SUZ12: variants seen among roughly 807,000 people sequenced by gnomAD.
The protein encoded by SUZ12 is SUZ12 polycomb repressive complex 2 subunit, also known as polycomb protein SUZ12.
Under a neutral mutation model 87.3 loss-of-function variants are expected in SUZ12, and 17 were observed. That is an observed-to-expected ratio of 0.19 (90% confidence interval 0.13 to 0.29). The LOEUF (loss-of-function observed/expected upper bound fraction) is 0.29, where lower values mean the gene tolerates loss of function less well. Ranked by LOEUF, SUZ12 falls within the 10% of genes least tolerant of loss-of-function variation. The pLI is 1.00. For synonymous variants in SUZ12, 253 were observed against 312.4 expected, an observed-to-expected ratio of 0.81 and a Z score of 2.01; for missense variants, 526 against 912.2, an observed-to-expected ratio of 0.58 and a Z score of 5.45.
Position 31,978,749 on chromosome 17 carries a change from A to G in SUZ12, c.917+2135A>G, listed in dbSNP as rs182472093. ...ACACATTTCTTGTAAGAAAAAGATA[A>G]TGCTTTTATTTTAAAGAAAAAGTGC... On this transcript the variant is annotated intron_variant, in intron 8 of 15. Transcript: ENST00000322652. 2.2e-3 allele frequency among the ~76,000 whole-genome samples: 332 copies of G among 152,292 alleles called. 1 individual carries two copies. The highest frequency in any genetic ancestry group is 7.3e-3 in the African/African-American group (302 of 41,552).
intron 3 of SUZ12, among the ~76,000 whole-genome samples, chr17:31,945,302 G>A (rs115592685): frequency 0.019 from 2,880 of 152,182 alleles, 98 homozygotes; most frequent in African/African-American, 0.067. Context: ...GTTGGAATAA[G>A]CATATCACTC....
intron 8 of SUZ12, among the ~76,000 whole-genome samples, chr17:31,979,349 C>G (rs1427220682): frequency 6.6e-6 from 1 of 152,104 alleles, no homozygotes; most frequent in Non-Finnish European, 1.5e-5. Context: ...ATATAACCAC[C>G]GTACCCTTAT....
At chr17:31,987,669 G>A (rs765983735) in intron 9 of SUZ12, among the ~76,000 whole-genome samples, 43 of 152,152 alleles carry the variant, frequency 2.8e-4, no homozygotes, top group Non-Finnish European at 4.7e-4. Flanking sequence ...GGTGGCTCAT[G>A]CCTGTAACCC....
intron 4 of SUZ12, among the ~76,000 whole-genome samples, chr17:31,954,501 A>G (rs1181936441): frequency 2.6e-5 from 4 of 152,278 alleles, no homozygotes; most frequent in Non-Finnish European, 5.9e-5. Context: ...GTAGTGTGCA[A>G]TGTCCTAGGC....
In SUZ12 at chr17:31,993,305, A is replaced by T; in HGVS notation, c.1265A>T (p.Asn422Ile). 1 of 1,583,724 alleles carries T rather than the reference A, an allele frequency of 6.3e-7. No individual in the cohort carries two copies. The highest frequency in any genetic ancestry group is 1.2e-5 in the South Asian group (1 of 85,170). Residue 422 changes from asparagine (N) to isoleucine (I), a missense_variant, in exon 11 of 16, where the codon AAC becomes ATC. Asn to Ile is a moderately radical substitution (Grantham distance 149, BLOSUM62 -3). Coordinates refer to ENST00000322652, the MANE Select transcript of SUZ12 (RefSeq NM_015355.4). ...AAAGAAAAGGATACTCCAAATGAAA[A>T]CCGACAAAAATTAAGAATATTTTAT... ...TRKEKDTPNE[N>I]RQKLRIFYQF...
chr17:31,949,399 A>G (rs974838561), intron 4 of SUZ12, among the ~76,000 whole-genome samples: 1 of 152,178 alleles, frequency 6.6e-6, no homozygotes, highest in African/African-American at 2.4e-5. Flanking sequence ...TGAGTTGGCC[A>G]TTTAAGCCTC....
intron 9 of SUZ12, among the ~76,000 whole-genome samples, chr17:31,985,502 A>C (rs577964829): frequency 3.4e-4 from 52 of 151,916 alleles, no homozygotes; most frequent in African/African-American, 1.2e-3. Context: ...TGAGATTTCA[A>C]ATAATTTTTA....
chr17:31,983,274 C>CTT lies in SUZ12; in HGVS notation c.1023+188_1023+189dup, dbSNP rs10681815. 1.1e-3 allele frequency among the ~76,000 whole-genome samples: 128 copies of CTT among 118,186 alleles called. 2 individuals are homozygous for CTT. The highest frequency in any genetic ancestry group is 2.9e-3 in the African/African-American group (88 of 30,118). 77.5% of individuals were successfully genotyped at this position (118,186 alleles called of 152,430 possible). A position where few individuals can be genotyped will look rare whatever the true frequency, so the allele number is the denominator to read the frequency against. ...AGAGCATTTAACGGAAGGTATCATT[C>CTT]TTTTTTTTTTTTTTTTTTTGAGGGG... On this transcript the variant is annotated intron_variant, in intron 9 of 15. Transcript: ENST00000322652.
intron 15 of SUZ12, among the ~76,000 whole-genome samples, chr17:31,997,796 C>T (rs1247282768): frequency 2.0e-5 from 3 of 151,822 alleles, no homozygotes; most frequent in African/African-American, 7.3e-5. Context: ...TGTTTCATGT[C>T]TGGAAATCCT....
chr17:31,953,685 G>A (rs375124798), intron 4 of SUZ12, among the ~76,000 whole-genome samples: 1 of 151,612 alleles, frequency 6.6e-6, no homozygotes, highest in South Asian at 2.1e-4. Context: ...TGAGATTACA[G>A]GAATGAGCCC....
At chr17:31,954,307 C>T (rs112778702) in intron 4 of SUZ12, among the ~76,000 whole-genome samples, 5,609 of 152,178 alleles carry the variant, frequency 0.037, 143 homozygotes, top group South Asian at 0.062. Flanking sequence ...GTGTTCTGCC[C>T]ACCTCGGCCT....
At chr17:31,937,827 C>G (rs1906031518) in intron 1 of SUZ12, among the ~76,000 whole-genome samples, 3 of 130,314 alleles carry the variant, frequency 2.3e-5, no homozygotes, top group East Asian at 4.3e-4. Flanking sequence ...TTGAACTGAG[C>G]CGCAGTCACA....
intron 4 of SUZ12, among the ~76,000 whole-genome samples, chr17:31,956,251 G>A (rs1044069913): frequency 2.3e-4 from 35 of 151,946 alleles, no homozygotes; most frequent in Middle Eastern, 3.4e-3. Flanking sequence ...TCACTCTGTC[G>A]CCAGCAGTCT....
chr17:31,975,906 T>G (rs1052851933), intron 7 of SUZ12, among the ~76,000 whole-genome samples, 193 bp downstream of exon 7: 9 of 152,238 alleles, frequency 5.9e-5, no homozygotes, highest in African/African-American at 2.2e-4. Flanking sequence ...AGTGAACACC[T>G]ATCTACTTAC....
intron 1 of SUZ12, among the ~76,000 whole-genome samples, chr17:31,939,105 T>C (rs1293095304): frequency 2.0e-5 from 3 of 152,248 alleles, no homozygotes; most frequent in African/African-American, 7.2e-5. Flanking sequence ...TGAAATTTAA[T>C]TCAACTCATT....
rs1206615374 is a variant in SUZ12 at position 31,979,370 on chromosome 17, AAAATAC to A, written c.917+2765_917+2770del. Among the ~76,000 whole-genome samples, 3 of 152,320 alleles carry A rather than the reference AAAATAC, an allele frequency of 2.0e-5. 1 individual carries two copies. Among genetic ancestry groups the A allele is most frequent in the African/African-American group, 7.2e-5 (3 of 41,574 alleles). On this transcript the variant is annotated intron_variant, in intron 8 of 15. Coordinates refer to ENST00000322652, the MANE Select transcript of SUZ12 (RefSeq NM_015355.4). Reference sequence around the variant, plus strand: ...CCACCGTACCCTTATGAGGAAAATTAAAATACAAATACAATACTATCTCCCCAGTTG... The same window carrying A: ...CCACCGTACCCTTATGAGGAAAATTAAAATACAATACTATCTCCCCAGTTG...
chr17:31,999,292 G>A lies in SUZ12; in HGVS notation c.*289G>A, dbSNP rs1011926678. 2.7e-5 allele frequency: 7 copies of A among 256,936 alleles called. No homozygotes were observed. Among genetic ancestry groups the A allele is most frequent in the African/African-American group, 1.5e-4 (7 of 46,058 alleles). The allele number at this position is 256,936 out of a possible 1,614,324, so 15.9% of individuals were successfully genotyped here. On this transcript the variant is annotated 3_prime_UTR_variant, in exon 16 of 16. Transcript: ENST00000322652. ...CAAATGTCATCAAATATGTTGAATT[G>A]ATCTAGAAATTATTTCATATATAAA...
chr17:31,939,425 G>A (rs1342785820), intron 1 of SUZ12, among the ~76,000 whole-genome samples: 1 of 151,302 alleles, frequency 6.6e-6, no homozygotes, highest in Non-Finnish European at 1.5e-5. Context: ...AATCTTGACT[G>A]ACTTTCATCA....
chr17:31,997,274 A>C (rs546748), intron 15 of SUZ12, among the ~76,000 whole-genome samples: 36,420 of 151,832 alleles, frequency 0.24, 5,885 homozygotes, highest in African/African-American at 0.46. Flanking sequence ...TCATCATAGA[A>C]CCTCCTCAGA....
Sources: allele counts gnomAD v4.1 joint callset (sites outside exome capture counted in the v4.1 genomes callset), GRCh38; gene constraint gnomAD v4.1.1; transcripts MANE v1.5; gene names NCBI Gene and HGNC (gene_info 2026-07-23, HGNC 2026-07-21).